Variants in PARN observed in about 807,000 individuals in gnomAD.
PARN encodes the protein poly(A)-specific ribonuclease PARN.
A neutral mutation model predicts 102.8 loss-of-function variants in PARN; 71 were observed. The observed-to-expected ratio is 0.69, with a 90% CI of 0.57 to 0.84. PARN has a LOEUF of 0.84. PARN is among the 40% of genes least tolerant of loss of function. The pLI is 0.00. For missense variants in PARN, 782 were observed against 760.9 expected (o/e 1.03, Z -0.33); for synonymous variants, 261 against 252.9 (o/e 1.03, Z -0.30).
At chr16:14,515,268 T>C (rs1965404665) in intron 21 of PARN, among the ~76,000 whole-genome samples, 1 of 151,590 alleles carries the variant, frequency 6.6e-6, no homozygotes, top group South Asian at 2.1e-4. Flanking sequence ...GTGCCACCAC[T>C]CCTGGCTGCT....
At chr16:14,586,206 G>A (rs1478047679) in intron 14 of PARN, 112 bp downstream of exon 14, 4 of 693,208 alleles carry the variant, frequency 5.8e-6, no homozygotes, top group Non-Finnish European at 1.1e-5. Flanking sequence ...GAACTCCCTA[G>A]GCTCAAGTGA....
chr16:14,501,225 T>A (rs561706182), intron 21 of PARN, among the ~76,000 whole-genome samples: 54 of 147,384 alleles, frequency 3.7e-4, no homozygotes, highest in African/African-American at 1.2e-3. Context: ...GCCCAGGAGT[T>A]AGAGACCAGC....
intron 22 of PARN, among the ~76,000 whole-genome samples, chr16:14,454,600 T>A (rs1411145171): frequency 1.3e-5 from 2 of 151,522 alleles, no homozygotes; most frequent in African/African-American, 4.8e-5. Flanking sequence ...TGGTGTAACA[T>A]AAGAACAGAA....
intron 18 of PARN, among the ~76,000 whole-genome samples, chr16:14,561,748 G>A (rs557334767): frequency 1.3e-5 from 2 of 152,314 alleles, no homozygotes; most frequent in East Asian, 1.9e-4. Flanking sequence ...ATTTGAGGCT[G>A]CAATGAGCTA....
intron 11 of PARN, among the ~76,000 whole-genome samples, chr16:14,601,125 C>T (rs751004207): frequency 6.6e-6 from 1 of 152,064 alleles, no homozygotes; most frequent in Admixed American, 6.6e-5. Flanking sequence ...GTATATACCC[C>T]AAAGAATTGA....
intron 18 of PARN, among the ~76,000 whole-genome samples, chr16:14,556,270 C>T (rs373019797): frequency 7.6e-4 from 115 of 152,064 alleles, no homozygotes; most frequent in East Asian, 7.0e-3. Context: ...GCGATTCACC[C>T]GCCTCAGCCT....
intron 20 of PARN, among the ~76,000 whole-genome samples, chr16:14,553,083 G>C (rs1179392752): frequency 2.0e-5 from 3 of 151,404 alleles, no homozygotes; most frequent in Non-Finnish European, 4.4e-5. Flanking sequence ...GCACTGCTGT[G>C]AAAGTCTACT....
intron 5 of PARN, among the ~76,000 whole-genome samples, chr16:14,626,427 G>A (rs1465323455): frequency 6.6e-6 from 1 of 152,128 alleles, no homozygotes; most frequent in Non-Finnish European, 1.5e-5. Context: ...AGGATTACAG[G>A]TGTAAACCAC....
intron 21 of PARN, among the ~76,000 whole-genome samples, chr16:14,491,804 AAATG>A (rs1321783560): frequency 6.6e-6 from 1 of 152,140 alleles, no homozygotes; most frequent in Non-Finnish European, 1.5e-5. Flanking sequence ...GTAAACAAAT[AAATG>A]AATGAATGAA....
In PARN at chr16:14,577,407, C is replaced by T. The variant is rs549311949; in HGVS notation, c.1262+3467G>A. 2.3e-4 allele frequency among the ~76,000 whole-genome samples: 35 copies of T among 152,070 alleles called. No homozygotes were observed. In the South Asian group the frequency reaches 7.0e-3, roughly 31 times the overall value. ...AAGCAATTGTTTTTCCTTCTTTTTT[C>T]TTTTTGGTCTCCTCTTCCCAGACTC... is the stretch of plus-strand genomic sequence containing the variant. On this transcript the variant is annotated intron_variant, in intron 18 of 23. Transcript: ENST00000437198.
chr16:14,623,533 G>T (rs1025890910), intron 5 of PARN, among the ~76,000 whole-genome samples: 9 of 145,152 alleles, frequency 6.2e-5, no homozygotes, highest in Non-Finnish European at 1.4e-4. Context: ...AAAAAGAAAA[G>T]AAAAAAAAAA....
At chr16:14,625,740 A>G (rs1443573848) in intron 5 of PARN, among the ~76,000 whole-genome samples, 1 of 152,246 alleles carries the variant, frequency 6.6e-6, no homozygotes, top group Admixed American at 6.5e-5. Context: ...AGAATTTGAC[A>G]TAACTCAATC....
At chr16:14,529,991 C>G (rs1034133329) in intron 21 of PARN, among the ~76,000 whole-genome samples, 11 of 152,040 alleles carry the variant, frequency 7.2e-5, no homozygotes, top group African/African-American at 2.2e-4. Flanking sequence ...TCCAAGAGAC[C>G]CCAGCAGCTG....
chr16:14,582,373 A>G, intron 16 of PARN, 82 bp from the exon 17 acceptor site: 1 of 875,956 alleles, frequency 1.1e-6, no homozygotes. Context: ...GCATTAGCAT[A>G]TGCTAGAGAA....
rs144153875 is a variant in PARN, at chr16:14,464,678, C to T, written c.1671-17597G>A. 8.6e-3 allele frequency among the ~76,000 whole-genome samples: 1,302 copies of T among 152,200 alleles called. 22 individuals carry two copies. Among genetic ancestry groups the T allele is most frequent in the African/African-American group, 0.029 (1,220 of 41,524 alleles). On this transcript the variant is annotated intron_variant, in intron 22 of 23. Transcript: ENST00000437198. The stretch of plus-strand genomic sequence containing the variant: ...GGCTGAGGCAAGGGAATTGCTTGAA[C>T]CCAGGAGGCAGAGGTTGCAGTGAGC...
At chr16:14,470,928 C>T (rs770753886) in intron 22 of PARN, among the ~76,000 whole-genome samples, 2 of 152,076 alleles carry the variant, frequency 1.3e-5, no homozygotes, top group African/African-American at 2.4e-5. Context: ...AGGCATGAGC[C>T]ACCATGCCTA....
intron 12 of PARN, among the ~76,000 whole-genome samples, 157 bp downstream of exon 12, chr16:14,599,747 A>G (rs1053003783): frequency 1.3e-5 from 2 of 152,206 alleles, no homozygotes; most frequent in Non-Finnish European, 2.9e-5. Context: ...CACCAAGTGC[A>G]TTATAACAAC....
chr16:14,476,779 G>A (rs954258077), intron 22 of PARN, among the ~76,000 whole-genome samples: 5 of 152,218 alleles, frequency 3.3e-5, no homozygotes, highest in Admixed American at 3.3e-4. Context: ...TGGTTTGAGA[G>A]CTGTAGTTTA....
At chr16:14,513,172 G>A (rs1028609509) in intron 21 of PARN, among the ~76,000 whole-genome samples, 17 of 152,184 alleles carry the variant, frequency 1.1e-4, no homozygotes, top group African/African-American at 3.6e-4. Flanking sequence ...TGATCTGCCC[G>A]CCTCGGCCTC....
Sources: gnomAD v4.1 joint callset for allele counts (sites outside exome capture counted in the v4.1 genomes callset) on GRCh38, gnomAD v4.1.1 for gene constraint, MANE v1.5 for transcripts, NCBI Gene and HGNC (gene_info 2026-07-23, HGNC 2026-07-21) for gene names.